CDADC1: variants seen among roughly 807,000 people sequenced by gnomAD.
CDADC1 encodes cytidine and dCMP deaminase domain containing 1.
In CDADC1, 39 loss-of-function variants were observed where a neutral mutation model predicts 54.9. The ratio of observed to expected loss-of-function variants is 0.71; its 90% CI spans 0.55 to 0.93. The LOEUF (loss-of-function observed/expected upper bound fraction) is 0.93. CDADC1 is among the 40% of genes least tolerant of loss of function. The probability of loss-of-function intolerance (pLI) is 0.00; values close to 1 mark genes in which losing one functional copy is unlikely to be tolerated. For missense variants in CDADC1, 518 were observed against 618.8 expected (o/e 0.84, Z 1.73); for synonymous variants, 186 against 204.0 (o/e 0.91, Z 0.75).
intron 5 of CDADC1, among the ~76,000 whole-genome samples, chr13:49,271,316 T>C (rs1468548426): frequency 6.6e-6 from 1 of 152,208 alleles, no homozygotes; most frequent in Admixed American, 6.5e-5. Context: ...AAATCTTATC[T>C]ATCTGCTTTA....
At position 49,248,973 on chromosome 13, in the gene CDADC1, T is replaced by A; in HGVS notation, c.177+8T>A. 8.3e-6 allele frequency: 13 copies of A among 1,565,572 alleles called. No homozygotes were observed. Among genetic ancestry groups the A allele is most frequent in the Non-Finnish European group, 1.1e-5 (12 of 1,136,004 alleles). ...CAGCGGCAAAAATCTCAGGTATAAT[T>A]TGTTTCATAGTTTTTCCCCTTAGAA... On this transcript the variant is annotated splice_region_variant and intron_variant, in intron 2 of 9. Coordinates refer to ENST00000251108, the MANE Select transcript of CDADC1 (RefSeq NM_030911.4).
intron 3 of CDADC1, among the ~76,000 whole-genome samples, chr13:49,258,310 T>C (rs1231755555): frequency 6.6e-6 from 1 of 152,228 alleles, no homozygotes; most frequent in African/African-American, 2.4e-5. Flanking sequence ...CACCCTCTCC[T>C]TAGCCCAAGC....
At chr13:49,281,916 C>T (rs1953349836) in intron 8 of CDADC1, among the ~76,000 whole-genome samples, 1 of 126,578 alleles carries the variant, frequency 7.9e-6, no homozygotes, top group South Asian at 3.6e-4. Flanking sequence ...CCTTGCTACC[C>T]CCACCCCCCT....
intron 5 of CDADC1, among the ~76,000 whole-genome samples, chr13:49,269,461 T>C (rs1351462838): frequency 1.3e-5 from 2 of 152,226 alleles, no homozygotes; most frequent in African/African-American, 2.4e-5. Flanking sequence ...GAGTTAATAA[T>C]TGCTCAATTC....
intron 2 of CDADC1, among the ~76,000 whole-genome samples, chr13:49,249,624 C>T (rs1952378592): frequency 6.6e-6 from 1 of 151,998 alleles, no homozygotes; most frequent in South Asian, 2.1e-4. Context: ...GTCCCAGTTA[C>T]GCGGGAGGCT....
chr13:49,255,983 A>G, intron 3 of CDADC1, 70 bp downstream of exon 3: 1 of 1,543,002 alleles, frequency 6.5e-7, no homozygotes, highest in Non-Finnish European at 8.7e-7. Context: ...AAAGTAGAAT[A>G]AAAGTGCCTC....
Position 49,248,900 on chromosome 13 carries a change from C to G in CDADC1, c.112C>G (p.Leu38Val), listed in dbSNP as rs764836679. Residue 38 changes from leucine to valine, a missense_variant, in exon 2 of 10, where the codon CTT becomes GTT. Physicochemically the swap from Leu to Val is conservative, Grantham distance 32. Coordinates refer to ENST00000251108, the MANE Select transcript of CDADC1 (RefSeq NM_030911.4). Reference sequence around the variant, plus strand: ...GATACCAAGGCTTTCTAAAGTCAACCTTTTCACTCTGCTCAGCCTCTGGAT... The same window carrying G: ...GATACCAAGGCTTTCTAAAGTCAACGTTTTCACTCTGCTCAGCCTCTGGAT... Reference protein sequence around the residue: ...GQIPRLSKVNLFTLLSLWMEL... With the variant: ...GQIPRLSKVNVFTLLSLWMEL... The G allele has an allele frequency of 1.9e-6, 3 of 1,612,126 alleles. No homozygotes were observed. Among genetic ancestry groups the G allele is most frequent in the South Asian group, 2.2e-5 (2 of 91,036 alleles).
intron 4 of CDADC1, among the ~76,000 whole-genome samples, chr13:49,265,213 A>G (rs2138215272): frequency 6.6e-6 from 1 of 152,304 alleles, no homozygotes; most frequent in Non-Finnish European, 1.5e-5. Context: ...ATAATTGTCA[A>G]TTTATTTAAG....
intron 4 of CDADC1, among the ~76,000 whole-genome samples, chr13:49,264,621 G>A (rs1952770706): frequency 1.3e-5 from 2 of 151,502 alleles, no homozygotes. Context: ...CAATCTGGAG[G>A]CTGAGGCAGG....
At chr13:49,285,683 G>A (rs979990765) in intron 8 of CDADC1, among the ~76,000 whole-genome samples, 2 of 152,102 alleles carry the variant, frequency 1.3e-5, no homozygotes, top group Non-Finnish European at 2.9e-5. Flanking sequence ...TAAAATGAAT[G>A]TAAAGAATCT....
At chr13:49,280,011 AG>A (rs1311079052) in intron 7 of CDADC1, among the ~76,000 whole-genome samples, 2 of 152,230 alleles carry the variant, frequency 1.3e-5, no homozygotes, top group African/African-American at 2.4e-5. Context: ...ACAGAACTTA[AG>A]TATTTGATTA....
chr13:49,285,877 C>T (rs995366687), intron 8 of CDADC1, among the ~76,000 whole-genome samples: 3 of 151,054 alleles, frequency 2.0e-5, no homozygotes, highest in Non-Finnish European at 4.4e-5. Context: ...GCAGTGGCAC[C>T]ATCTCAGCTC....
At chr13:49,277,591 T>C (rs1953187248) in intron 6 of CDADC1, among the ~76,000 whole-genome samples, 1 of 152,182 alleles carries the variant, frequency 6.6e-6, no homozygotes, top group Non-Finnish European at 1.5e-5. Context: ...TCTGTTGATA[T>C]TATCATGAGT....
At chr13:49,276,143 TTGA>T (rs1037993599) in intron 6 of CDADC1, among the ~76,000 whole-genome samples, 2 of 152,196 alleles carry the variant, frequency 1.3e-5, no homozygotes, top group African/African-American at 2.4e-5. Context: ...TAAAAAATTA[TTGA>T]TGAAATATTC....
chr13:49,250,411 T>C (rs2138188998), intron 2 of CDADC1, among the ~76,000 whole-genome samples: 1 of 152,272 alleles, frequency 6.6e-6, no homozygotes, highest in East Asian at 1.9e-4. Context: ...AGTGAGTACA[T>C]AGTATAAGCA....
At position 49,292,378 on chromosome 13, in the gene CDADC1, G is replaced by A; in HGVS notation, c.*621G>A. 1.0e-6 allele frequency: 1 copy of A among 990,328 alleles called. No individual in the cohort carries two copies. Among genetic ancestry groups the A allele is most frequent in the Non-Finnish European group, 1.2e-6 (1 of 832,668 alleles). 61.3% of individuals were successfully genotyped at this position (990,328 alleles called of 1,614,324 possible). ...TATCACAGACTTTGGGTAGCAATAGGAAGAGAGTGTTATTCTGAGACAGTG... is the reference window on the plus strand; with the variant it reads ...TATCACAGACTTTGGGTAGCAATAGAAAGAGAGTGTTATTCTGAGACAGTG... On this transcript the variant is annotated 3_prime_UTR_variant, in exon 10 of 10. Coordinates refer to ENST00000251108, the MANE Select transcript of CDADC1 (RefSeq NM_030911.4).
chr13:49,271,143 G>T (rs1952954644), intron 5 of CDADC1, among the ~76,000 whole-genome samples: 1 of 152,186 alleles, frequency 6.6e-6, no homozygotes, highest in Non-Finnish European at 1.5e-5. Flanking sequence ...GCCAGGTGCG[G>T]TGGCTCCCGC....
chr13:49,268,906 G>C (rs1952895455), intron 5 of CDADC1, among the ~76,000 whole-genome samples: 1 of 152,152 alleles, frequency 6.6e-6, no homozygotes, highest in Non-Finnish European at 1.5e-5. Flanking sequence ...TTTGGAAAAG[G>C]AAAATATTAC....
Position 49,280,674 on chromosome 13 carries a change from G to C in CDADC1, c.1386G>C (p.Glu462Asp). 6.3e-7 allele frequency: 1 copy of C among 1,576,846 alleles called. No homozygotes were observed. Among genetic ancestry groups the C allele is most frequent in the East Asian group, 2.3e-5 (1 of 43,794 alleles). Residue 462 changes from glutamate to aspartate, a missense_variant, in exon 8 of 10, where the codon GAG becomes GAC. Transcript: ENST00000251108. ...ACATCTCTTACATGAGGTTCGGGGA[G>C]CTTGAAGGTGTTAGCAAATTTACGG... ...KADISYMRFG[E>D]LEGVSKFTWQ...
Sources: allele counts gnomAD v4.1 joint callset (sites outside exome capture counted in the v4.1 genomes callset), GRCh38; gene constraint gnomAD v4.1.1; transcripts MANE v1.5; gene names NCBI Gene and HGNC (gene_info 2026-07-23, HGNC 2026-07-21).